The following SLC5A3 variants were observed in gnomAD, a reference collection of about 807,000 sequenced individuals.
The protein encoded by SLC5A3 is solute carrier family 5 member 3.
SLC5A3 carries 10 observed loss-of-function variants against 43.2 expected under a neutral mutation model. The observed-to-expected ratio is 0.23, with a 90% CI of 0.14 to 0.39. The LOEUF is 0.39. Among genes scored for constraint, SLC5A3 ranks in the 10% least tolerant of loss-of-function variants. SLC5A3 has a pLI of 1.00. For synonymous variants in SLC5A3, 349 were observed against 322.0 expected (o/e 1.08, Z -0.90); for missense variants, 608 against 893.4 (o/e 0.68, Z 4.07).
chr21:34,096,251 C>T lies in SLC5A3; in HGVS notation c.1053C>T (p.Tyr351=). The T allele has an allele frequency of 6.2e-7, 1 of 1,614,136 alleles. No individual in the cohort carries two copies. The highest frequency in any genetic ancestry group is 1.1e-5 in the South Asian group (1 of 91,082). ...GAGCTGGTTGCTCCAATATTGCTTA[C>T]CCACGCCTGGTGATGAAGCTGGTTC... ...GSRAGCSNIA[Y]PRLVMKLVPV... Residue 351 remains tyrosine (Y), a synonymous_variant, in exon 2 of 2, where the codon TAC becomes TAT. Coordinates refer to ENST00000381151, the MANE Select transcript of SLC5A3 (RefSeq NM_006933.7). The surrounding 1 kb of genome is among the most constrained non-coding windows in gnomAD (Gnocchi z 5.9).
chr21:34,086,515 GTT>G (rs1491364970), intron 1 of SLC5A3, among the ~76,000 whole-genome samples: 16 of 81,532 alleles, frequency 2.0e-4, no homozygotes, highest in African/African-American at 3.9e-4. Context: ...TCTAGTTTGT[GTT>G]TGTGTGTGTG....
At chr21:34,081,507 TGAAATGAAGATACTG>T (rs1407155551) in intron 1 of SLC5A3, among the ~76,000 whole-genome samples, 1 of 152,188 alleles carries the variant, frequency 6.6e-6, no homozygotes, top group Non-Finnish European at 1.5e-5. Context: ...TTGTAAGATC[TGAAATGAAGATACTG>T]GATGTGTTAC....
chr21:34,103,565 T>C lies in SLC5A3; in HGVS notation c.*6210T>C, dbSNP rs1225427436. Reference sequence around the variant, plus strand: ...TTCCATGATAGAAAGCTAAAGTCCATAGAAAGCACAAAATCGTGTTCACAC... The same window carrying C: ...TTCCATGATAGAAAGCTAAAGTCCACAGAAAGCACAAAATCGTGTTCACAC... On this transcript the variant is annotated 3_prime_UTR_variant, in exon 2 of 2. Coordinates refer to ENST00000381151, the MANE Select transcript of SLC5A3 (RefSeq NM_006933.7). 25 of 1,000,020 alleles carry C rather than the reference T, an allele frequency of 2.5e-5. No individual in the cohort carries two copies. Among genetic ancestry groups the C allele is most frequent in the Non-Finnish European group, 3.0e-5 (25 of 829,934 alleles). The allele number at this position is 1,000,020 out of a possible 1,614,324, so 61.9% of individuals were successfully genotyped here. A position where few individuals can be genotyped will look rare whatever the true frequency, so the allele number is the denominator to read the frequency against.
Position 34,100,430 on chromosome 21 carries a change from T to C in SLC5A3, c.*3075T>C. On this transcript the variant is annotated 3_prime_UTR_variant, in exon 2 of 2. Transcript: ENST00000381151. The stretch of plus-strand genomic sequence containing the variant: ...CCAGCTATTCTTTCCTGGGGGTAAT[T>C]ATGCTTTGTCTTTAGATTAGAGAAG... 1.0e-6 allele frequency: 1 copy of C among 1,000,234 alleles called. No homozygotes were observed. The highest frequency in any genetic ancestry group is 1.7e-5 in the African/African-American group (1 of 57,344). The allele number at this position is 1,000,234 out of a possible 1,614,324, so 62.0% of individuals were successfully genotyped here. A position where few individuals can be genotyped will look rare whatever the true frequency, so the allele number is the denominator to read the frequency against.
chr21:34,081,702 G>T (rs1405142985), intron 1 of SLC5A3, among the ~76,000 whole-genome samples: 1 of 152,162 alleles, frequency 6.6e-6, no homozygotes, highest in Non-Finnish European at 1.5e-5. Flanking sequence ...TGAAGATAAA[G>T]TGGTTATGTG....
chr21:34,088,664 A>G (rs1379474501), intron 1 of SLC5A3, among the ~76,000 whole-genome samples: 1 of 152,224 alleles, frequency 6.6e-6, no homozygotes, highest in Non-Finnish European at 1.5e-5. Context: ...AAAGCTGTTT[A>G]GACATATAGA....
chr21:34,074,178 TC>T (rs1278220823), intron 1 of SLC5A3, among the ~76,000 whole-genome samples: 1 of 149,458 alleles, frequency 6.7e-6, no homozygotes, highest in Non-Finnish European at 1.5e-5. Flanking sequence ...CGCCGCCTGG[TC>T]CGTCCCGCTC....
chr21:34,100,353 A>G lies in SLC5A3; in HGVS notation c.*2998A>G, dbSNP rs1446597754. The G allele has an allele frequency of 1.0e-4, 104 of 1,000,084 alleles. No individual in the cohort carries two copies. Among genetic ancestry groups the G allele is most frequent in the Non-Finnish European group, 1.2e-4 (103 of 829,984 alleles). The allele number at this position is 1,000,084 out of a possible 1,614,324, so 62.0% of individuals were successfully genotyped here. A position where few individuals can be genotyped will look rare whatever the true frequency, so the allele number is the denominator to read the frequency against. On this transcript the variant is annotated 3_prime_UTR_variant, in exon 2 of 2. Coordinates refer to ENST00000381151, the MANE Select transcript of SLC5A3 (RefSeq NM_006933.7). ...AATTTCCCTGGTCATCTTTCAGAAT[A>G]TTCTGTTCTGCCACCCCCAGAGAGT... is the stretch of plus-strand genomic sequence containing the variant.
intron 1 of SLC5A3, among the ~76,000 whole-genome samples, chr21:34,094,179 T>C (rs958423342): frequency 6.6e-6 from 1 of 152,212 alleles, no homozygotes; most frequent in Non-Finnish European, 1.5e-5. Flanking sequence ...TGAGTTGTTT[T>C]GTAAGTTGGA....
In SLC5A3 at chr21:34,101,578, C is replaced by T. The variant is rs1352384655; in HGVS notation, c.*4223C>T. ...TGGTCTTTCTCTTTGTCTTCCTTCA[C>T]ATTGCTGTGTCAGTTCTACACCTAG... On this transcript the variant is annotated 3_prime_UTR_variant, in exon 2 of 2. Coordinates refer to ENST00000381151, the MANE Select transcript of SLC5A3 (RefSeq NM_006933.7). 2.0e-6 allele frequency: 2 copies of T among 999,952 alleles called. No individual in the cohort carries two copies. The highest frequency in any genetic ancestry group is 2.4e-6 in the Non-Finnish European group (2 of 829,836). 61.9% of individuals were successfully genotyped at this position (999,952 alleles called of 1,614,324 possible).
Position 34,097,624 on chromosome 21 carries a change from T to C in SLC5A3, c.*269T>C. The C allele has an allele frequency of 5.1e-6, 6 of 1,177,324 alleles. 1 individual carries two copies. In the South Asian group the frequency reaches 1.7e-4, roughly 33 times the overall value. 72.9% of individuals were successfully genotyped at this position (1,177,324 alleles called of 1,614,324 possible). On this transcript the variant is annotated 3_prime_UTR_variant, in exon 2 of 2. Coordinates refer to ENST00000381151, the MANE Select transcript of SLC5A3 (RefSeq NM_006933.7). ...TACCAAAGTAAGAAGAGACCAATTA[T>C]TCTCACAGAGCACTTAGAGCAGAAT... is the stretch of plus-strand genomic sequence containing the variant.
intron 1 of SLC5A3, among the ~76,000 whole-genome samples, chr21:34,078,679 T>C (rs1989389886): frequency 6.6e-6 from 1 of 152,210 alleles, no homozygotes; most frequent in Non-Finnish European, 1.5e-5. Context: ...GTGCCTTTGC[T>C]GTGTTTGTAC....
In SLC5A3 at chr21:34,102,985, T is replaced by A; in HGVS notation, c.*5630T>A. On this transcript the variant is annotated 3_prime_UTR_variant, in exon 2 of 2. Coordinates refer to ENST00000381151, the MANE Select transcript of SLC5A3 (RefSeq NM_006933.7). ...GCTGCTGGATAAAAGAGTGTTTACTTTTTATTGCTCTTAGACAGAGTAGTC... is the reference window on the plus strand; with the variant it reads ...GCTGCTGGATAAAAGAGTGTTTACTATTTATTGCTCTTAGACAGAGTAGTC... 1 of 999,986 alleles carries A rather than the reference T, an allele frequency of 1.0e-6. No homozygotes were observed. Among genetic ancestry groups the A allele is most frequent in the Non-Finnish European group, 1.2e-6 (1 of 829,866 alleles). 61.9% of individuals were successfully genotyped at this position (999,986 alleles called of 1,614,324 possible). A position where few individuals can be genotyped will look rare whatever the true frequency, so the allele number is the denominator to read the frequency against.
At position 34,098,297 on chromosome 21, in the gene SLC5A3, A is replaced by G; in HGVS notation, c.*942A>G. On this transcript the variant is annotated 3_prime_UTR_variant, in exon 2 of 2. Coordinates refer to ENST00000381151, the MANE Select transcript of SLC5A3 (RefSeq NM_006933.7). ...AAAATTATTAGCCAAATGCCTTCCT[A>G]GGTGGATCCAGTTGGAAGATATGTC... is the stretch of plus-strand genomic sequence containing the variant. The G allele has an allele frequency of 1.0e-6, 1 of 1,000,092 alleles. No individual in the cohort carries two copies. The highest frequency in any genetic ancestry group is 1.2e-6 in the Non-Finnish European group (1 of 829,908). 62.0% of individuals were successfully genotyped at this position (1,000,092 alleles called of 1,614,324 possible). A position where few individuals can be genotyped will look rare whatever the true frequency, so the allele number is the denominator to read the frequency against.
chr21:34,089,463 G>A (rs1325876015), intron 1 of SLC5A3, among the ~76,000 whole-genome samples: 2 of 151,770 alleles, frequency 1.3e-5, no homozygotes, highest in Non-Finnish European at 2.9e-5. Flanking sequence ...TATCTACAAG[G>A]TCTTATTTCT....
chr21:34,093,148 A>C (rs1280807282), intron 1 of SLC5A3, among the ~76,000 whole-genome samples: 1 of 152,094 alleles, frequency 6.6e-6, no homozygotes, highest in Non-Finnish European at 1.5e-5. Flanking sequence ...AAAAACTTGG[A>C]AGCTTTTGGG....
intron 1 of SLC5A3, among the ~76,000 whole-genome samples, chr21:34,086,517 TTGTGTGTGTG>T (rs34988334): frequency 5.4e-5 from 8 of 148,274 alleles, no homozygotes; most frequent in Admixed American, 1.3e-4. Flanking sequence ...TAGTTTGTGT[TTGTGTGTGTG>T]TGTGTGTGTG....
At chr21:34,090,261 T>A (rs1978617685) in intron 1 of SLC5A3, among the ~76,000 whole-genome samples, 1 of 152,208 alleles carries the variant, frequency 6.6e-6, no homozygotes, top group Non-Finnish European at 1.5e-5. Flanking sequence ...TTGCTCCACA[T>A]TTTTAAAGTA....
At chr21:34,082,184 T>C (rs1989474634) in intron 1 of SLC5A3, among the ~76,000 whole-genome samples, 3 of 152,208 alleles carry the variant, frequency 2.0e-5, no homozygotes, top group Admixed American at 6.5e-5. Flanking sequence ...GTAGGTTGTC[T>C]GTAAATCTCT....
Sources: allele counts gnomAD v4.1 joint callset (sites outside exome capture counted in the v4.1 genomes callset), GRCh38; gene constraint gnomAD v4.1.1; non-coding constraint Gnocchi (gnomAD v3.1); transcripts MANE v1.5; gene names NCBI Gene and HGNC (gene_info 2026-07-23, HGNC 2026-07-21).